MALRD1: variants seen among roughly 807,000 people sequenced by gnomAD.
MALRD1 encodes MAM and LDL receptor class A domain containing 1.
Under a neutral mutation model 242.1 loss-of-function variants are expected in MALRD1, and 247 were observed. That is an observed-to-expected ratio of 1.02 (90% CI 0.92 to 1.13). MALRD1 has a LOEUF of 1.13. Among genes scored for constraint, MALRD1 ranks in the 50% most tolerant of loss-of-function variants. The pLI, the probability that MALRD1 is intolerant of heterozygous loss-of-function variation, is 0.00. For synonymous variants in MALRD1, 995 were observed against 866.6 expected (o/e 1.15, Z -2.60); for missense variants, 2,989 against 2,533.1 (o/e 1.18, Z -3.86).
chr10:19,498,227 GAC>G (rs550442351), intron 30 of MALRD1, among the ~76,000 whole-genome samples: 5 of 152,258 alleles, frequency 3.3e-5, no homozygotes, highest in South Asian at 2.1e-4. Flanking sequence ...TTCATGTGTA[GAC>G]ACAGTTTTAA....
chr10:19,336,331 T>A (rs9633638), intron 24 of MALRD1, among the ~76,000 whole-genome samples: 21,172 of 152,034 alleles, frequency 0.14, 1,497 homozygotes, highest in South Asian at 0.15. Context: ...CAATTCAGAG[T>A]ATCTCAAGCA....
chr10:19,365,896 C>T (rs1845089003), intron 26 of MALRD1, among the ~76,000 whole-genome samples: 1 of 151,964 alleles, frequency 6.6e-6, no homozygotes, highest in Non-Finnish European at 1.5e-5. Context: ...TAATACTGCC[C>T]TCCACCCCAG....
intron 36 of MALRD1, among the ~76,000 whole-genome samples, chr10:19,625,439 A>G (rs1454911258): frequency 6.6e-6 from 1 of 152,008 alleles, no homozygotes; most frequent in Non-Finnish European, 1.5e-5. Context: ...TTTACTTCCC[A>G]GTTAATGTAG....
intron 36 of MALRD1, among the ~76,000 whole-genome samples, chr10:19,683,743 AT>A (rs1037673469): frequency 6.6e-6 from 1 of 152,116 alleles, no homozygotes; most frequent in African/African-American, 2.4e-5. Flanking sequence ...ATTACAAATG[AT>A]TTTTTATACA....
intron 28 of MALRD1, among the ~76,000 whole-genome samples, chr10:19,437,247 T>G (rs554274185): frequency 3.8e-4 from 58 of 152,262 alleles, no homozygotes; most frequent in Non-Finnish European, 7.2e-4. Context: ...TCTTTGTTCT[T>G]CGTTTTATTT....
intron 3 of MALRD1, 37 bp from the exon 4 acceptor site, chr10:19,087,987 T>C: frequency 2.4e-6 from 3 of 1,233,114 alleles, no homozygotes; most frequent in Non-Finnish European, 3.0e-6. Flanking sequence ...GGGGACTTCT[T>C]TATCATAATT....
intron 29 of MALRD1, among the ~76,000 whole-genome samples, chr10:19,461,692 A>G (rs1835954301): frequency 6.6e-6 from 1 of 152,012 alleles, no homozygotes. Flanking sequence ...AAAAATTTTA[A>G]AAATTGGCTG....
intron 14 of MALRD1, among the ~76,000 whole-genome samples, chr10:19,200,426 G>A (rs1360914313): frequency 1.3e-5 from 2 of 152,124 alleles, no homozygotes; most frequent in East Asian, 3.9e-4. Flanking sequence ...ACCACATGAT[G>A]CGTTAGGAGG....
intron 31 of MALRD1, among the ~76,000 whole-genome samples, chr10:19,522,291 T>C (rs1404899093): frequency 6.6e-6 from 1 of 152,142 alleles, no homozygotes; most frequent in Non-Finnish European, 1.5e-5. Flanking sequence ...TGTACCATTG[T>C]TTTGGTATGA....
intron 28 of MALRD1, among the ~76,000 whole-genome samples, chr10:19,392,861 G>A (rs561921396): frequency 6.6e-6 from 1 of 152,142 alleles, no homozygotes; most frequent in Non-Finnish European, 1.5e-5. Context: ...CGATCAGAGG[G>A]TTTACTAGGT....
intron 36 of MALRD1, among the ~76,000 whole-genome samples, chr10:19,661,365 G>A (rs1413879523): frequency 6.6e-6 from 1 of 152,174 alleles, no homozygotes; most frequent in Non-Finnish European, 1.5e-5. Context: ...ATTCACAATA[G>A]CAAAGACTTG....
At chr10:19,142,910 A>G (rs1489130383) in intron 10 of MALRD1, among the ~76,000 whole-genome samples, 1 of 152,200 alleles carries the variant, frequency 6.6e-6, no homozygotes, top group South Asian at 2.1e-4. Flanking sequence ...AATTTGATTT[A>G]TATTTTACAG....
At chr10:19,643,545 C>T (rs748336496) in intron 36 of MALRD1, among the ~76,000 whole-genome samples, 16 of 152,020 alleles carry the variant, frequency 1.1e-4, no homozygotes, top group Admixed American at 2.6e-4. Flanking sequence ...CCAATAGTTT[C>T]GACATAATTT....
chr10:19,238,253 CATAATATATATTAT>C (rs1838502480), intron 18 of MALRD1, among the ~76,000 whole-genome samples: 2 of 57,912 alleles, frequency 3.5e-5, no homozygotes, highest in Non-Finnish European at 5.8e-5. Flanking sequence ...ATGTAATATA[CATAATATATATTAT>C]ATATAATATG....
rs1028577744 is a variant in MALRD1 at position 19,124,522 on chromosome 10, A to G, written c.797-2A>G. 3 of 1,233,692 alleles carry G rather than the reference A, an allele frequency of 2.4e-6. No homozygotes were observed. In the East Asian group the frequency reaches 9.5e-5, roughly 39 times the overall value. The allele number at this position is 1,233,692 out of a possible 1,614,324, so 76.4% of individuals were successfully genotyped here. The stretch of plus-strand genomic sequence containing the variant: ...CCACCAAGATCTTTTTCTCCCGTTT[A>G]GTGTGTCAGGCCTGTGGGTTTGAAT... On this transcript the variant is annotated splice_acceptor_variant, in intron 6 of 39. Transcript: ENST00000454679. LOFTEE classifies it high-confidence loss of function.
chr10:19,284,099 G>C (rs1014704517), intron 21 of MALRD1, among the ~76,000 whole-genome samples: 5 of 152,296 alleles, frequency 3.3e-5, no homozygotes, highest in East Asian at 1.9e-4. Context: ...AGCATGGCTG[G>C]GGTGGGATAA....
chr10:19,056,396 A>G (rs947104973), intron 1 of MALRD1, among the ~76,000 whole-genome samples: 1 of 151,094 alleles, frequency 6.6e-6, no homozygotes, highest in Non-Finnish European at 1.5e-5. Context: ...CAGTTTGCAG[A>G]TATTTCACCT....
At chr10:19,494,199 C>G (rs1837617426) in intron 30 of MALRD1, among the ~76,000 whole-genome samples, 1 of 152,182 alleles carries the variant, frequency 6.6e-6, no homozygotes, top group Non-Finnish European at 1.5e-5. Context: ...TCCATCAAAC[C>G]AAAGGCAAGA....
intron 29 of MALRD1, among the ~76,000 whole-genome samples, chr10:19,461,142 C>T (rs3844351): frequency 0.81 from 123,849 of 152,028 alleles, 50,631 homozygotes; most frequent in East Asian, 1. Flanking sequence ...AATCAATGGG[C>T]GACAAGATCA....
Sources: gnomAD v4.1 joint callset for allele counts (sites outside exome capture counted in the v4.1 genomes callset) on GRCh38, gnomAD v4.1.1 for gene constraint, MANE v1.5 for transcripts, NCBI Gene and HGNC (gene_info 2026-07-23, HGNC 2026-07-21) for gene names.